CDH13: variants seen among roughly 807,000 people sequenced by gnomAD.
CDH13 encodes cadherin 13.
In CDH13, 24 loss-of-function variants were observed where a neutral mutation model predicts 63.8. The ratio of observed to expected loss-of-function variants is 0.38; its 90% confidence interval spans 0.27 to 0.53. The LOEUF is 0.53. Among genes scored for constraint, CDH13 ranks in the 20% least tolerant of loss-of-function variants. The probability of loss-of-function intolerance (pLI) is 0.85; values close to 1 mark genes in which losing one functional copy is unlikely to be tolerated. For missense variants in CDH13, 1,049 were observed against 903.1 expected, an observed-to-expected ratio of 1.16 and a Z score of -2.07; for synonymous variants, 503 against 355.3, an observed-to-expected ratio of 1.42 and a Z score of -4.67.
chr16:83,141,255 C>G (rs938625623), intron 4 of CDH13, among the ~76,000 whole-genome samples: 9 of 152,116 alleles, frequency 5.9e-5, no homozygotes, highest in Admixed American at 5.9e-4. Context: ...GGGAACAGTC[C>G]TTAATAAATC....
At chr16:82,848,336 T>C (rs2039348807) in intron 1 of CDH13, among the ~76,000 whole-genome samples, 1 of 152,336 alleles carries the variant, frequency 6.6e-6, no homozygotes, top group South Asian at 2.1e-4. Flanking sequence ...GCCTGGCTTC[T>C]TGACTTTGCT....
intron 1 of CDH13, among the ~76,000 whole-genome samples, chr16:82,738,965 G>A (rs997587052): frequency 2.0e-5 from 3 of 152,158 alleles, no homozygotes; most frequent in Admixed American, 1.3e-4. Flanking sequence ...ACCTTTTAGT[G>A]GATAAAGTTA....
chr16:83,164,278 C>G (rs989561812), intron 4 of CDH13, among the ~76,000 whole-genome samples: 1 of 152,022 alleles, frequency 6.6e-6, no homozygotes, highest in African/African-American at 2.4e-5. Flanking sequence ...GATTCAATGT[C>G]TGGTCTGAGG....
chr16:83,627,162 C>T (rs1299339226), intron 8 of CDH13, among the ~76,000 whole-genome samples: 1 of 149,980 alleles, frequency 6.7e-6, no homozygotes, highest in Non-Finnish European at 1.5e-5. Context: ...TGGCAGCCTG[C>T]ACCTGTAGTC....
At chr16:82,983,217 A>G (rs1377973194) in intron 2 of CDH13, among the ~76,000 whole-genome samples, 3 of 152,208 alleles carry the variant, frequency 2.0e-5, no homozygotes, top group Non-Finnish European at 4.4e-5. Flanking sequence ...CTTAGACTGC[A>G]GAGAAGTCCA....
chr16:82,739,338 G>A (rs2033829415), intron 1 of CDH13, among the ~76,000 whole-genome samples: 1 of 152,164 alleles, frequency 6.6e-6, no homozygotes. Context: ...CTAGATGTGA[G>A]GGAAGAGAAG....
intron 1 of CDH13, among the ~76,000 whole-genome samples, chr16:82,675,440 C>T (rs1395797267): frequency 1.3e-5 from 2 of 152,126 alleles, no homozygotes; most frequent in Non-Finnish European, 2.9e-5. Flanking sequence ...AGTAAAAACA[C>T]AGCTTTTCCA....
chr16:82,766,757 A>T (rs1328612268), intron 1 of CDH13, among the ~76,000 whole-genome samples: 2 of 152,210 alleles, frequency 1.3e-5, no homozygotes, highest in African/African-American at 4.8e-5. Context: ...TCTTCTCAGC[A>T]TTCCTCGGTG....
At chr16:83,379,183 A>G (rs1426250622) in intron 6 of CDH13, among the ~76,000 whole-genome samples, 1 of 152,208 alleles carries the variant, frequency 6.6e-6, no homozygotes, top group Non-Finnish European at 1.5e-5. Context: ...AAATCTCATA[A>G]GCATGCATTC....
intron 4 of CDH13, among the ~76,000 whole-genome samples, chr16:83,168,536 C>G (rs1272583536): frequency 6.6e-6 from 1 of 151,906 alleles, no homozygotes; most frequent in Admixed American, 6.6e-5. Context: ...AATGCCGACT[C>G]CAGTATTCCA....
intron 7 of CDH13, among the ~76,000 whole-genome samples, chr16:83,509,446 C>G (rs1002668193): frequency 2.0e-5 from 3 of 152,152 alleles, no homozygotes; most frequent in Admixed American, 2.0e-4. Flanking sequence ...TGCAGCTTTA[C>G]TTTTTTGTAG....
intron 5 of CDH13, among the ~76,000 whole-genome samples, chr16:83,253,339 C>G (rs1036549616): frequency 6.6e-6 from 1 of 152,196 alleles, no homozygotes; most frequent in South Asian, 2.1e-4. Context: ...ACACATTAAA[C>G]CTCAGAGCAT....
chr16:83,273,125 T>G (rs2088876464), intron 5 of CDH13, among the ~76,000 whole-genome samples: 1 of 152,134 alleles, frequency 6.6e-6, no homozygotes, highest in Non-Finnish European at 1.5e-5. Context: ...CTAGTTTTGG[T>G]GCATATCACT....
intron 8 of CDH13, among the ~76,000 whole-genome samples, chr16:83,644,680 G>C (rs1015024683): frequency 2.9e-4 from 44 of 152,206 alleles, no homozygotes; most frequent in Admixed American, 2.9e-3. Flanking sequence ...TCATGGTCCA[G>C]AAACGCATCT....
intron 7 of CDH13, among the ~76,000 whole-genome samples, chr16:83,525,535 C>G (rs998635701): frequency 6.6e-6 from 1 of 152,166 alleles, no homozygotes; most frequent in African/African-American, 2.4e-5. Flanking sequence ...TGTTGCCAAG[C>G]CCTTGTGGAT....
chr16:82,648,337 A>G (rs973930768), intron 1 of CDH13, among the ~76,000 whole-genome samples: 1 of 152,246 alleles, frequency 6.6e-6, no homozygotes, highest in African/African-American at 2.4e-5. Flanking sequence ...TATGCATTGT[A>G]TGTGAAATAG....
intron 2 of CDH13, among the ~76,000 whole-genome samples, chr16:83,019,621 G>C (rs995537901): frequency 6.7e-6 from 1 of 149,862 alleles, no homozygotes; most frequent in Non-Finnish European, 1.5e-5. Flanking sequence ...CAAGCATCCC[G>C]GTTAGTTGGG....
chr16:83,246,400 A>G (rs781713753), intron 5 of CDH13, among the ~76,000 whole-genome samples: 20 of 152,034 alleles, frequency 1.3e-4, no homozygotes, highest in Non-Finnish European at 2.6e-4. Flanking sequence ...CACATTCCTA[A>G]TCTTCACCTC....
intron 4 of CDH13, among the ~76,000 whole-genome samples, chr16:83,165,458 C>A (rs938570925): frequency 6.6e-6 from 1 of 152,114 alleles, no homozygotes; most frequent in African/African-American, 2.4e-5. Flanking sequence ...CTATTAACAT[C>A]TACTGAAAGG....
Sources: allele counts gnomAD v4.1 joint callset (sites outside exome capture counted in the v4.1 genomes callset), GRCh38; gene constraint gnomAD v4.1.1; transcripts MANE v1.5; gene names NCBI Gene and HGNC (gene_info 2026-07-23, HGNC 2026-07-21).